The following RBX1 variants were observed in gnomAD, a reference collection of about 807,000 sequenced individuals.
RBX1 encodes the protein ring-box 1.
For missense variants in RBX1, 46 were observed against 141.4 expected (o/e 0.33, Z 3.42); for synonymous variants, 48 against 47.9 (o/e 1.00, Z -0.01).
intron 2 of RBX1, among the ~76,000 whole-genome samples, chr22:40,961,824 A>G (rs1437644979): frequency 1.3e-5 from 2 of 151,306 alleles, no homozygotes; most frequent in African/African-American, 2.4e-5. Flanking sequence ...TTACTCTGTC[A>G]CCCAGGCTGG....
At chr22:40,962,095 GTTT>G (rs2058342235) in intron 2 of RBX1, among the ~76,000 whole-genome samples, 1 of 151,550 alleles carries the variant, frequency 6.6e-6, no homozygotes, top group Non-Finnish European at 1.5e-5. Flanking sequence ...TTTATGGTTT[GTTT>G]GTTTGTTTGT....
chr22:40,954,850 G>A (rs1004025846), intron 2 of RBX1, among the ~76,000 whole-genome samples: 1 of 151,804 alleles, frequency 6.6e-6, no homozygotes, highest in African/African-American at 2.4e-5. Context: ...GCAGTGGCGT[G>A]ATCTCAGCTC....
At chr22:40,967,428 A>C (rs1362674605) in intron 3 of RBX1, 1 of 161,514 alleles carries the variant, frequency 6.2e-6, no homozygotes, top group Non-Finnish European at 1.4e-5. Flanking sequence ...GAATGGGGAT[A>C]TTTGAAATCT....
chr22:40,959,728 T>C (rs1876544661), intron 2 of RBX1, among the ~76,000 whole-genome samples: 1 of 152,102 alleles, frequency 6.6e-6, no homozygotes, highest in Non-Finnish European at 1.5e-5. Flanking sequence ...GGAGAATCAC[T>C]TGAACCTGGG....
chr22:40,959,108 G>T (rs556377222), intron 2 of RBX1, among the ~76,000 whole-genome samples: 2 of 152,246 alleles, frequency 1.3e-5, no homozygotes, highest in African/African-American at 2.4e-5. Flanking sequence ...GAGCCACCAC[G>T]CCCGGCCCCG....
intron 2 of RBX1, among the ~76,000 whole-genome samples, chr22:40,962,204 C>G (rs570291855): frequency 9.2e-5 from 14 of 152,026 alleles, no homozygotes; most frequent in African/African-American, 2.9e-4. Flanking sequence ...TGGGTTCAAG[C>G]AATTCTCCTA....
chr22:40,970,354 A>AG (rs1230338399), intron 4 of RBX1, among the ~76,000 whole-genome samples: 1 of 151,688 alleles, frequency 6.6e-6, no homozygotes, highest in African/African-American at 2.4e-5. Context: ...TCGTCTCAAA[A>AG]AAAAAAAAAA....
intron 2 of RBX1, among the ~76,000 whole-genome samples, chr22:40,958,060 A>G (rs1280788610): frequency 6.6e-6 from 1 of 152,106 alleles, no homozygotes; most frequent in Non-Finnish European, 1.5e-5. Flanking sequence ...TCCTGACCTC[A>G]TGATCACCCA....
At chr22:40,967,014 T>C (rs1340650830) in intron 3 of RBX1, 2 of 152,224 alleles carry the variant, frequency 1.3e-5, no homozygotes, top group African/African-American at 2.4e-5. Context: ...TCCCTGTCAG[T>C]TACCAGTGTT....
chr22:40,970,054 A>T (rs1009815000), intron 4 of RBX1, among the ~76,000 whole-genome samples: 22 of 52,254 alleles, frequency 4.2e-4, no homozygotes, highest in South Asian at 1.4e-3. Context: ...GACCCAATTT[A>T]AAAAAAAAAA....
intron 2 of RBX1, among the ~76,000 whole-genome samples, chr22:40,956,807 G>A (rs1211944984): frequency 2.0e-5 from 3 of 151,646 alleles, no homozygotes; most frequent in African/African-American, 2.4e-5. Flanking sequence ...AGGCCAAGGC[G>A]GGCAGATCAC....
At chr22:40,957,201 C>T (rs1342697303) in intron 2 of RBX1, among the ~76,000 whole-genome samples, 1 of 151,240 alleles carries the variant, frequency 6.6e-6, no homozygotes, top group Non-Finnish European at 1.5e-5. Context: ...CAAAATTAGC[C>T]AGGCGTGGTA....
chr22:40,954,358 T>A (rs1412880222), intron 2 of RBX1, among the ~76,000 whole-genome samples: 2 of 152,164 alleles, frequency 1.3e-5, no homozygotes, highest in Non-Finnish European at 2.9e-5. Context: ...ATTTTGTATG[T>A]TAGGCCCAAA....
chr22:40,963,272 T>A (rs926404116), intron 2 of RBX1, among the ~76,000 whole-genome samples: 1 of 152,170 alleles, frequency 6.6e-6, no homozygotes, highest in African/African-American at 2.4e-5. Flanking sequence ...AAGTTATGCA[T>A]TAGTAATTCT....
At chr22:40,970,950 G>A (rs993701754) in intron 4 of RBX1, among the ~76,000 whole-genome samples, 5 of 152,154 alleles carry the variant, frequency 3.3e-5, no homozygotes, top group African/African-American at 7.2e-5. Context: ...GCTAAGTACC[G>A]TGTAAAATAT....
At chr22:40,961,081 CTT>C (rs61092253) in intron 2 of RBX1, among the ~76,000 whole-genome samples, 16 of 107,664 alleles carry the variant, frequency 1.5e-4, no homozygotes, top group African/African-American at 1.8e-4. Context: ...CGTGCCTGGC[CTT>C]TTTTTTTTTT....
Position 40,963,953 on chromosome 22 carries a change from G to A in RBX1, c.158-94G>A. The A allele has an allele frequency of 5.8e-6, 5 of 865,350 alleles. No homozygotes were observed. In the South Asian group the frequency reaches 6.9e-5, roughly 12 times the overall value. 53.6% of individuals were successfully genotyped at this position (865,350 alleles called of 1,614,324 possible). On this transcript the variant is annotated intron_variant, in intron 2 of 4. Coordinates refer to ENST00000216225, the MANE Select transcript of RBX1 (RefSeq NM_014248.4). The stretch of plus-strand genomic sequence containing the variant: ...CCCACATTCATTAAAAAACAATTAT[G>A]GCTAATTAACCACTTGAGAATTGTT...
chr22:40,965,756 C>T (rs1023344214), intron 3 of RBX1, among the ~76,000 whole-genome samples: 3 of 152,174 alleles, frequency 2.0e-5, no homozygotes, highest in Admixed American at 6.5e-5. Flanking sequence ...CCCGCACTTT[C>T]GGGTACACCT....
At chr22:40,952,113 G>A (rs547698541) in intron 1 of RBX1, among the ~76,000 whole-genome samples, 105 of 152,180 alleles carry the variant, frequency 6.9e-4, no homozygotes, top group African/African-American at 2.4e-3. Flanking sequence ...TCTCTGTCAC[G>A]TCCAGAATCT....
Sources: allele counts gnomAD v4.1 joint callset (sites outside exome capture counted in the v4.1 genomes callset), GRCh38; gene constraint gnomAD v4.1.1; transcripts MANE v1.5; gene names NCBI Gene and HGNC (gene_info 2026-07-23, HGNC 2026-07-21).